The following RBM47 variants were observed in gnomAD, a reference collection of about 807,000 sequenced individuals.
The protein encoded by RBM47 is RNA binding motif protein 47.
In RBM47, 21 loss-of-function variants were observed where a neutral mutation model predicts 47.1. The observed-to-expected ratio is 0.45, with a 90% confidence interval of 0.32 to 0.64. RBM47 has a LOEUF of 0.64. Ranked by LOEUF, RBM47 falls within the 30% of genes least tolerant of loss-of-function variation. The pLI is 0.05. For synonymous variants in RBM47, 375 were observed against 361.7 expected (o/e 1.04, Z -0.42); for missense variants, 708 against 870.9 (o/e 0.81, Z 2.35).
chr4:40,426,074 C>G lies in RBM47; in HGVS notation c.1612G>C (p.Gly538Arg), dbSNP rs35529250. ...GCAGCAAATGGCACGTAACTGGCCCCGTAGATCCCGGCAGTAGGAATTCTC... is the reference window on the plus strand; with the variant it reads ...GCAGCAAATGGCACGTAACTGGCCCGGTAGATCCCGGCAGTAGGAATTCTC... The part of the protein sequence containing the change: ...VQRIPTAGIY[G>R]ASYVPFAAPA... The change falls in exon 7 of 7, where the codon GGG (glycine) becomes CGG (arginine). Residue 538 changes from glycine to arginine, a missense_variant. Transcript: ENST00000295971. The G allele has an allele frequency of 7.4e-6, 12 of 1,614,156 alleles. No homozygotes were observed. The highest frequency in any genetic ancestry group is 1.7e-5 in the Admixed American group (1 of 60,016).
rs375974932 is a variant in RBM47 at position 40,540,373 on chromosome 4, C to A, written c.-155+4049G>T. Reference sequence around the variant, plus strand: ...AAAATAAACAGGCTGGGCACAGTGGCTCACCCCTGTAATCCCAGCACTTTG... The same window carrying A: ...AAAATAAACAGGCTGGGCACAGTGGATCACCCCTGTAATCCCAGCACTTTG... On this transcript the variant is annotated intron_variant, in intron 2 of 6. Coordinates refer to ENST00000295971, the MANE Select transcript of RBM47 (RefSeq NM_001098634.2). Among the ~76,000 whole-genome samples, 479 of 152,248 alleles carry A rather than the reference C, an allele frequency of 3.1e-3. 3 individuals are homozygous for A. Among genetic ancestry groups the A allele is most frequent in the African/African-American group, 0.01 (418 of 41,548 alleles).
intron 3 of RBM47, among the ~76,000 whole-genome samples, chr4:40,445,704 C>T (rs140755743): frequency 1.5e-4 from 23 of 152,320 alleles, no homozygotes; most frequent in African/African-American, 5.1e-4. Context: ...TGTTAACATT[C>T]GTTTCTGATA....
intron 2 of RBM47, among the ~76,000 whole-genome samples, chr4:40,524,547 T>C (rs1726516015): frequency 6.6e-6 from 1 of 152,232 alleles, no homozygotes; most frequent in Non-Finnish European, 1.5e-5. Flanking sequence ...AAGTGCCGTG[T>C]GTGTCAAGGA....
At chr4:40,594,281 T>C (rs1412636496) in intron 1 of RBM47, among the ~76,000 whole-genome samples, 4 of 152,176 alleles carry the variant, frequency 2.6e-5, no homozygotes, top group Non-Finnish European at 2.9e-5. Flanking sequence ...ACACTGCTTC[T>C]CAGACTGGCT....
chr4:40,480,378 C>T (rs1339380990), intron 2 of RBM47, among the ~76,000 whole-genome samples: 1 of 152,150 alleles, frequency 6.6e-6, no homozygotes, highest in Non-Finnish European at 1.5e-5. Context: ...CCCAGGCATT[C>T]TGGCTCTTAG....
chr4:40,609,961 G>A (rs1440139942), intron 1 of RBM47, among the ~76,000 whole-genome samples: 13 of 152,032 alleles, frequency 8.6e-5, no homozygotes, highest in African/African-American at 1.9e-4. Flanking sequence ...GTGTGGTGCC[G>A]CATGCCTGTA....
intron 2 of RBM47, among the ~76,000 whole-genome samples, chr4:40,518,252 C>T (rs1490033211): frequency 7.7e-6 from 1 of 129,898 alleles, no homozygotes; most frequent in Non-Finnish European, 1.6e-5. Context: ...TCATGGCTCA[C>T]TGTAATCTCC....
intron 1 of RBM47, among the ~76,000 whole-genome samples, chr4:40,603,460 T>G (rs894603556): frequency 1.3e-5 from 2 of 152,184 alleles, no homozygotes; most frequent in African/African-American, 4.8e-5. Flanking sequence ...CTGTTGAGTA[T>G]ATAACCTAGG....
chr4:40,564,882 G>A (rs184361279), intron 1 of RBM47, among the ~76,000 whole-genome samples: 41 of 152,336 alleles, frequency 2.7e-4, no homozygotes, highest in African/African-American at 9.4e-4. Context: ...TCTGAGGCCC[G>A]AGGATCCTCA....
At chr4:40,623,229 C>T (rs1222375735) in intron 1 of RBM47, among the ~76,000 whole-genome samples, 1 of 152,120 alleles carries the variant, frequency 6.6e-6, no homozygotes, top group Non-Finnish European at 1.5e-5. Flanking sequence ...ATGCTGGAGC[C>T]CACAATGTGG....
intron 2 of RBM47, among the ~76,000 whole-genome samples, chr4:40,532,972 T>C (rs1041850390): frequency 6.6e-6 from 1 of 152,094 alleles, no homozygotes; most frequent in African/African-American, 2.4e-5. Context: ...CTGTAGTTCA[T>C]GGGACAGGAT....
chr4:40,564,426 C>A (rs1730909869), intron 1 of RBM47, among the ~76,000 whole-genome samples: 1 of 152,172 alleles, frequency 6.6e-6, no homozygotes, highest in African/African-American at 2.4e-5. Flanking sequence ...AGCTGCACAC[C>A]CAGGAAAGCT....
chr4:40,515,316 G>A (rs1382546765), intron 2 of RBM47, among the ~76,000 whole-genome samples: 2 of 152,146 alleles, frequency 1.3e-5, no homozygotes, highest in East Asian at 3.9e-4. Context: ...TATAGAGATT[G>A]CTAGAGTCTT....
chr4:40,625,297 A>G (rs1737639998), intron 1 of RBM47, among the ~76,000 whole-genome samples: 1 of 152,212 alleles, frequency 6.6e-6, no homozygotes, highest in South Asian at 2.1e-4. Flanking sequence ...ACAACACCTG[A>G]AAAAACCCTG....
At chr4:40,590,531 CTTAGACACATTGCCT>C (rs1734037484) in intron 1 of RBM47, among the ~76,000 whole-genome samples, 1 of 152,204 alleles carries the variant, frequency 6.6e-6, no homozygotes, top group Non-Finnish European at 1.5e-5. Context: ...GTCTCCAAGC[CTTAGACACATTGCCT>C]CACCTGGTGA....
chr4:40,565,749 G>A (rs1400852068), intron 1 of RBM47, among the ~76,000 whole-genome samples: 5 of 152,022 alleles, frequency 3.3e-5, no homozygotes, highest in Non-Finnish European at 7.4e-5. Flanking sequence ...CAGGAACAAA[G>A]ATAGAGAAAA....
intron 3 of RBM47, among the ~76,000 whole-genome samples, chr4:40,465,694 A>G (rs1433781514): frequency 2.0e-5 from 3 of 151,252 alleles, no homozygotes; most frequent in African/African-American, 7.3e-5. Flanking sequence ...AAAAAAAAAG[A>G]GAGATCTTGG....
intron 3 of RBM47, among the ~76,000 whole-genome samples, chr4:40,464,946 T>C (rs902949625): frequency 1.0e-5 from 1 of 97,378 alleles, no homozygotes; most frequent in Non-Finnish European, 2.3e-5. Context: ...CCAAACAAAA[T>C]CAGAGTAAAT....
At chr4:40,469,149 C>T (rs368245972) in intron 2 of RBM47, among the ~76,000 whole-genome samples, 5 of 152,274 alleles carry the variant, frequency 3.3e-5, no homozygotes, top group African/African-American at 1.2e-4. Flanking sequence ...TTTGAGTTTT[C>T]ACTCTTTCTG....
Sources: allele counts gnomAD v4.1 joint callset (sites outside exome capture counted in the v4.1 genomes callset), GRCh38; gene constraint gnomAD v4.1.1; transcripts MANE v1.5; gene names NCBI Gene and HGNC (gene_info 2026-07-23, HGNC 2026-07-21).